The following CCSER1 variants were observed in gnomAD, a reference collection of about 807,000 sequenced individuals.
CCSER1 encodes the protein serine-rich coiled-coil domain-containing protein 1.
Under a neutral mutation model 82.0 loss-of-function variants are expected in CCSER1, and 41 were observed. The ratio of observed to expected loss-of-function variants is 0.50; its 90% CI spans 0.39 to 0.65. The LOEUF (loss-of-function observed/expected upper bound fraction) is 0.65, where lower values mean the gene tolerates loss of function less well. CCSER1 is among the 30% of genes least tolerant of loss of function. The pLI is 0.00. For synonymous variants in CCSER1, 414 were observed against 383.9 expected, an observed-to-expected ratio of 1.08 and a Z score of -0.92; for missense variants, 1,119 against 1,064.2, an observed-to-expected ratio of 1.05 and a Z score of -0.72.
At chr4:90,520,092 G>T (rs576316027) in intron 5 of CCSER1, among the ~76,000 whole-genome samples, 3 of 152,026 alleles carry the variant, frequency 2.0e-5, no homozygotes, top group African/African-American at 7.2e-5. Flanking sequence ...AGTACTTATA[G>T]ATTAAAGTGA....
intron 10 of CCSER1, among the ~76,000 whole-genome samples, chr4:91,380,395 G>C (rs150650152): frequency 0.019 from 2,934 of 152,108 alleles, 74 homozygotes; most frequent in African/African-American, 0.066. Flanking sequence ...TCTCTTTGTA[G>C]GTCTCTAAGG....
Position 91,062,325 on chromosome 4 carries a change from G to A in CCSER1, c.2173-23625G>A, listed in dbSNP as rs373694276. Among the ~76,000 whole-genome samples the A allele has an allele frequency of 1.2e-3, 189 of 152,070 alleles. 1 individual carries two copies. Among genetic ancestry groups the A allele is most frequent in the Non-Finnish European group, 2.4e-3 (161 of 67,986 alleles). ...CTAATGATTCCTTCTATCCTGCAGC[G>A]TGTATCATTCATGCTTAGTTATGCG... On this transcript the variant is annotated intron_variant, in intron 9 of 10. Coordinates refer to ENST00000509176, the MANE Select transcript of CCSER1 (RefSeq NM_001145065.2).
intron 1 of CCSER1, among the ~76,000 whole-genome samples, chr4:90,219,885 G>A (rs1394444395): frequency 6.6e-6 from 1 of 152,030 alleles, no homozygotes; most frequent in Admixed American, 6.6e-5. Flanking sequence ...ATAGATCTAC[G>A]GGAAATAGCG....
chr4:90,793,323 T>C (rs1307932765), intron 7 of CCSER1, among the ~76,000 whole-genome samples: 1 of 152,118 alleles, frequency 6.6e-6, no homozygotes, highest in African/African-American at 2.4e-5. Flanking sequence ...TCCTGATCCT[T>C]TCCCTCCTCC....
At chr4:91,326,579 C>A (rs767461569) in intron 10 of CCSER1, among the ~76,000 whole-genome samples, 1 of 152,150 alleles carries the variant, frequency 6.6e-6, no homozygotes, top group Non-Finnish European at 1.5e-5. Flanking sequence ...TGGCCCCTCC[C>A]AAATTCCATG....
At chr4:90,236,778 T>A (rs1396308643) in intron 1 of CCSER1, among the ~76,000 whole-genome samples, 2 of 152,076 alleles carry the variant, frequency 1.3e-5, no homozygotes, top group East Asian at 3.8e-4. Context: ...TATTAAAAAA[T>A]TTGCGGGAAT....
intron 6 of CCSER1, among the ~76,000 whole-genome samples, chr4:90,722,666 A>T (rs1257250225): frequency 1.3e-5 from 2 of 151,806 alleles, no homozygotes; most frequent in Non-Finnish European, 3.0e-5. Context: ...TTTTTACTCA[A>T]TGCACTGCCT....
At chr4:90,648,217 C>T (rs572836617) in intron 6 of CCSER1, among the ~76,000 whole-genome samples, 2 of 110,890 alleles carry the variant, frequency 1.8e-5, no homozygotes, top group Admixed American at 9.0e-5. Flanking sequence ...TCTGAGTCTA[C>T]AAAAAGGAAA....
At chr4:91,122,905 T>G (rs1193774356) in intron 10 of CCSER1, among the ~76,000 whole-genome samples, 1 of 151,728 alleles carries the variant, frequency 6.6e-6, no homozygotes, top group African/African-American at 2.4e-5. Context: ...CATCTTACAA[T>G]GTATAATTTT....
At chr4:91,344,951 G>A (rs1452521981) in intron 10 of CCSER1, among the ~76,000 whole-genome samples, 1 of 152,190 alleles carries the variant, frequency 6.6e-6, no homozygotes, top group East Asian at 1.9e-4. Flanking sequence ...CAATAAGTAT[G>A]TGCCAACTTA....
rs563575379 is a variant in CCSER1, at chr4:91,259,374, A to G, written c.2217+173380A>G. ...CTGTTTTCTGACATTCATTTTCCTT[A>G]TAGTTCTAAAAGAAGCTGAAATAAT... On this transcript the variant is annotated intron_variant, in intron 10 of 10. Coordinates refer to ENST00000509176, the MANE Select transcript of CCSER1 (RefSeq NM_001145065.2). Among the ~76,000 whole-genome samples the G allele has an allele frequency of 4.3e-4, 65 of 152,342 alleles. No homozygotes were observed. The South Asian group carries it at 0.013, about 31-fold the overall frequency.
At chr4:91,562,889 T>C (rs1343239852) in intron 10 of CCSER1, among the ~76,000 whole-genome samples, 1 of 151,536 alleles carries the variant, frequency 6.6e-6, no homozygotes, top group Non-Finnish European at 1.5e-5. Flanking sequence ...CATAAAGACG[T>C]TTGAGAGTCT....
At chr4:91,467,783 A>G (rs1388673552) in intron 10 of CCSER1, among the ~76,000 whole-genome samples, 3 of 152,230 alleles carry the variant, frequency 2.0e-5, no homozygotes, top group Admixed American at 6.5e-5. Flanking sequence ...AGAGAAATGC[A>G]AATCAAAACC....
At chr4:90,535,134 A>G (rs1775151023) in intron 5 of CCSER1, among the ~76,000 whole-genome samples, 1 of 152,188 alleles carries the variant, frequency 6.6e-6, no homozygotes, top group African/African-American at 2.4e-5. Flanking sequence ...TAACTGCCAC[A>G]TTTTAAATAC....
chr4:90,964,492 A>G lies in CCSER1; in HGVS notation c.2172+41045A>G, dbSNP rs149902978. Among the ~76,000 whole-genome samples the G allele has an allele frequency of 2.1e-3, 312 of 151,298 alleles. 1 individual carries two copies. The highest frequency in any genetic ancestry group is 6.9e-3 in the African/African-American group (279 of 40,710). On this transcript the variant is annotated intron_variant, in intron 9 of 10. Coordinates refer to ENST00000509176, the MANE Select transcript of CCSER1 (RefSeq NM_001145065.2). The stretch of plus-strand genomic sequence containing the variant: ...TTGTAATCCCACACTTTGGGAGGCC[A>G]AGGCGGGCAGATCACGAGGTCAGGA...
intron 10 of CCSER1, among the ~76,000 whole-genome samples, chr4:91,246,637 A>G (rs1186536749): frequency 1.3e-5 from 2 of 152,174 alleles, no homozygotes; most frequent in Non-Finnish European, 1.5e-5. Context: ...GAAGCAACCT[A>G]AGTGTCCATC....
chr4:91,553,707 G>T (rs572871234), intron 10 of CCSER1, among the ~76,000 whole-genome samples: 1 of 150,674 alleles, frequency 6.6e-6, no homozygotes, highest in Admixed American at 6.6e-5. Context: ...ATTTGTTGTT[G>T]CTCAATTACT....
chr4:91,502,894 G>A (rs961915159), intron 10 of CCSER1, among the ~76,000 whole-genome samples: 3 of 152,190 alleles, frequency 2.0e-5, no homozygotes, highest in African/African-American at 7.2e-5. Flanking sequence ...ATTGCAGACC[G>A]TCATTGGCCA....
intron 10 of CCSER1, among the ~76,000 whole-genome samples, chr4:91,519,263 G>A (rs992282268): frequency 7.2e-5 from 11 of 152,288 alleles, no homozygotes; most frequent in South Asian, 2.1e-4. Flanking sequence ...GTAGTCACTC[G>A]GGACTCTTCA....
Sources: gnomAD v4.1 joint callset for allele counts (sites outside exome capture counted in the v4.1 genomes callset) on GRCh38, gnomAD v4.1.1 for gene constraint, MANE v1.5 for transcripts, NCBI Gene and HGNC (gene_info 2026-07-23, HGNC 2026-07-21) for gene names.